Variants in NECAB2 observed in about 807,000 individuals in gnomAD.
NECAB2 encodes the protein N-terminal EF-hand calcium binding protein 2, also known as N-terminal EF-hand calcium-binding protein 2.
In NECAB2, 68 loss-of-function variants were observed where a neutral mutation model predicts 51.9. The ratio of observed to expected loss-of-function variants is 1.31; its 90% CI spans 1.08 to 1.60. The LOEUF (loss-of-function observed/expected upper bound fraction) is 1.60, where lower values mean the gene tolerates loss of function less well. NECAB2 is among the 40% of genes most tolerant of loss of function. The pLI, the probability that NECAB2 is intolerant of heterozygous loss-of-function variation, is 0.00. For missense variants in NECAB2, 854 were observed against 490.3 expected (o/e 1.74, Z -7.00); for synonymous variants, 329 against 203.5 (o/e 1.62, Z -5.25).
upstream of NECAB2, chr16:83,965,202 G>A: frequency 6.2e-7 from 1 of 1,613,218 alleles, no homozygotes; most frequent in Non-Finnish European, 8.5e-7. Context: ...GATCCCAGCA[G>A]CTGTGGGGCC....
intron 11 of NECAB2, among the ~76,000 whole-genome samples, chr16:84,001,409 C>T (rs896464905): frequency 2.0e-5 from 3 of 152,158 alleles, no homozygotes; most frequent in Non-Finnish European, 2.9e-5. Flanking sequence ...CTCAGGACCC[C>T]AGTGGGAACA....
rs753901123 is a variant in NECAB2, at chr16:84,002,385, T to C, written c.*39T>C. ...GCCCGTGGAGGAGCCCACCAGCCCC[T>C]TCTTCTTGTGAAGGAAATCCCGTTT... On this transcript the variant is annotated 3_prime_UTR_variant, in exon 13 of 13. Transcript: ENST00000305202. 1 of 1,603,184 alleles carries C rather than the reference T, an allele frequency of 6.2e-7. No homozygotes were observed. The highest frequency in any genetic ancestry group is 2.2e-5 in the East Asian group (1 of 44,742).
Position 84,000,881 on chromosome 16 carries a change from G to A in NECAB2, c.1040+80G>A, listed in dbSNP as rs145336411. ...TGTCTTCCTGGAGCCAGGCATCCTTGGAGGGGAGGGTAAGGCCGAGTCCAG... is the reference window on the plus strand; with the variant it reads ...TGTCTTCCTGGAGCCAGGCATCCTTAGAGGGGAGGGTAAGGCCGAGTCCAG... On this transcript the variant is annotated intron_variant, in intron 11 of 12. Transcript: ENST00000305202. The A allele has an allele frequency of 1.2e-3, 1,664 of 1,421,396 alleles. 3 individuals are homozygous for A. Among genetic ancestry groups the A allele is most frequent in the African/African-American group, 9.0e-3 (645 of 71,420 alleles). 88.0% of individuals were successfully genotyped at this position (1,421,396 alleles called of 1,614,324 possible).
chr16:84,001,838 C>A lies in NECAB2; in HGVS notation c.1054C>A (p.Pro352Thr), dbSNP rs1293508742. 3 of 1,614,120 alleles carry A rather than the reference C, an allele frequency of 1.9e-6. No individual in the cohort carries two copies. Among genetic ancestry groups the A allele is most frequent in the Admixed American group, 1.7e-5 (1 of 60,020 alleles). ...CCTGCGTCACAGGCACCTGCAGAGC[C>A]CCCTGTGTAAGGCGTTCCGGCACGT... ...EEAWKRHLQSPLCKAFRHVKV... is the reference protein window; with the variant it reads ...EEAWKRHLQSTLCKAFRHVKV... The change falls in exon 12 of 13, where the codon CCC (proline) becomes ACC (threonine). Residue 352 changes from proline to threonine, a missense_variant. By Grantham distance (38) the Pro-to-Thr change is conservative. Coordinates refer to ENST00000305202, the MANE Select transcript of NECAB2 (RefSeq NM_019065.3).
At chr16:83,977,881 G>A (rs1003556600) in intron 2 of NECAB2, among the ~76,000 whole-genome samples, 7 of 152,324 alleles carry the variant, frequency 4.6e-5, no homozygotes, top group Middle Eastern at 3.4e-3. Context: ...GGCTGGGATT[G>A]GGGTTGGGAG....
chr16:83,993,187 G>A (rs2084648550), intron 6 of NECAB2, among the ~76,000 whole-genome samples: 1 of 152,174 alleles, frequency 6.6e-6, no homozygotes, highest in Admixed American at 6.5e-5. Context: ...CAGTCTCCCA[G>A]GATGTCACCT....
At chr16:83,999,632 C>T (rs556924441) in intron 10 of NECAB2, among the ~76,000 whole-genome samples, 2 of 152,234 alleles carry the variant, frequency 1.3e-5, no homozygotes, top group South Asian at 2.1e-4. Context: ...CATTGTAGTG[C>T]ACTTGCAGAG....
rs371114812 is a variant in NECAB2, at chr16:83,969,238, C to T, written c.201+389C>T. ...TCCAGCCGCCTCCTCCTCTCCATCC[C>T]GGATCCTGTCCGGAGCGATACTTTT... On this transcript the variant is annotated intron_variant, in intron 1 of 12. Coordinates refer to ENST00000305202, the MANE Select transcript of NECAB2 (RefSeq NM_019065.3). Among the ~76,000 whole-genome samples the T allele has an allele frequency of 5.9e-5, 9 of 152,204 alleles. No individual in the cohort carries two copies. The East Asian group carries it at 1.4e-3, about 23-fold the overall frequency.
At chr16:83,979,134 C>T (rs938619438) in intron 3 of NECAB2, among the ~76,000 whole-genome samples, 1 of 152,212 alleles carries the variant, frequency 6.6e-6, no homozygotes, top group African/African-American at 2.4e-5. Flanking sequence ...CTCAGACTTA[C>T]CCTTGACCCT....
intron 5 of NECAB2, among the ~76,000 whole-genome samples, chr16:83,985,367 G>C (rs1279843815): frequency 7.0e-6 from 1 of 142,286 alleles, no homozygotes; most frequent in Non-Finnish European, 1.5e-5. Context: ...GGGTGCGGTG[G>C]CTCACACCTG....
In NECAB2 at chr16:83,980,765, G is replaced by T. The variant is rs562142788; in HGVS notation, c.336-74G>T. Reference sequence around the variant, plus strand: ...AAAGAGCAGGCAGGATGTGTGTTTCGCAGGCTGTGCAGGGTCAGGCCTGCT... The same window carrying T: ...AAAGAGCAGGCAGGATGTGTGTTTCTCAGGCTGTGCAGGGTCAGGCCTGCT... On this transcript the variant is annotated intron_variant, in intron 3 of 12. Coordinates refer to ENST00000305202, the MANE Select transcript of NECAB2 (RefSeq NM_019065.3). The T allele has an allele frequency of 4.0e-6, 6 of 1,517,958 alleles. No individual in the cohort carries two copies. In the East Asian group the frequency reaches 1.2e-4, roughly 31 times the overall value. The allele number at this position is 1,517,958 out of a possible 1,614,324, so 94.0% of individuals were successfully genotyped here.
intron 8 of NECAB2, among the ~76,000 whole-genome samples, chr16:83,996,524 G>A (rs1383793668): frequency 6.6e-6 from 1 of 152,182 alleles, no homozygotes. Context: ...CATGGAGGAT[G>A]GACAGAGATA....
chr16:83,996,119 G>A (rs1361306500), intron 8 of NECAB2, among the ~76,000 whole-genome samples: 4 of 152,226 alleles, frequency 2.6e-5, no homozygotes, highest in South Asian at 2.1e-4. Flanking sequence ...CTGCCTCTGG[G>A]CTGGAAGGAT....
intron 2 of NECAB2, among the ~76,000 whole-genome samples, chr16:83,977,244 G>C (rs1408342527): frequency 6.6e-6 from 1 of 152,132 alleles, no homozygotes; most frequent in Non-Finnish European, 1.5e-5. Context: ...GCTCCCTCTT[G>C]TCTCTGACCT....
intron 2 of NECAB2, 148 bp downstream of exon 2, chr16:83,972,323 C>A: frequency 8.8e-7 from 1 of 1,129,978 alleles, no homozygotes; most frequent in Non-Finnish European, 1.3e-6. Context: ...AATCCTGCTG[C>A]TGCTCTGTGC....
chr16:83,999,136 C>T (rs1007144744), intron 10 of NECAB2, among the ~76,000 whole-genome samples: 2 of 152,192 alleles, frequency 1.3e-5, no homozygotes, highest in Admixed American at 6.5e-5. Context: ...TTCTTGGGCC[C>T]CCTGTGCACT....
intron 8 of NECAB2, 97 bp from the exon 9 acceptor site, chr16:83,997,119 G>C: frequency 3.4e-6 from 5 of 1,477,886 alleles, no homozygotes; most frequent in Middle Eastern, 1.9e-4. Flanking sequence ...CCGGGTCCTT[G>C]GGAGCTCCCA....
chr16:83,965,788 G>T, upstream of NECAB2: 1 of 1,613,090 alleles, frequency 6.2e-7, no homozygotes, highest in Non-Finnish European at 8.5e-7. Context: ...TCTCCTTCCT[G>T]CCTGGGGCAG....
chr16:83,996,753 T>A (rs762698071), intron 8 of NECAB2, among the ~76,000 whole-genome samples: 1 of 152,112 alleles, frequency 6.6e-6, no homozygotes, highest in Admixed American at 6.5e-5. Flanking sequence ...GCAGATGTGG[T>A]TCCTGGAGAC....
Sources: gnomAD v4.1 joint callset for allele counts (sites outside exome capture counted in the v4.1 genomes callset) on GRCh38, gnomAD v4.1.1 for gene constraint, MANE v1.5 for transcripts, NCBI Gene and HGNC (gene_info 2026-07-23, HGNC 2026-07-21) for gene names.